SLC4A10: variants seen among roughly 807,000 people sequenced by gnomAD.
SLC4A10 encodes solute carrier family 4 member 10.
Under a neutral mutation model 137.7 loss-of-function variants are expected in SLC4A10, and 42 were observed. The observed-to-expected ratio is 0.30, with a 90% confidence interval of 0.24 to 0.39. The LOEUF (loss-of-function observed/expected upper bound fraction) is 0.39. Among genes scored for constraint, SLC4A10 ranks in the 10% least tolerant of loss-of-function variants. The pLI is 1.00. For synonymous variants in SLC4A10, 474 were observed against 464.1 expected, an observed-to-expected ratio of 1.02 and a Z score of -0.27; for missense variants, 925 against 1,355.0, an observed-to-expected ratio of 0.68 and a Z score of 4.98.
chr2:161,793,930 T>C (rs946923984), intron 2 of SLC4A10, among the ~76,000 whole-genome samples: 1 of 152,146 alleles, frequency 6.6e-6, no homozygotes, highest in Non-Finnish European at 1.5e-5. Context: ...ATTGCCATGA[T>C]TGAATTAGAA....
At chr2:161,947,296 C>T (rs995527125) in intron 16 of SLC4A10, among the ~76,000 whole-genome samples, 24 of 152,054 alleles carry the variant, frequency 1.6e-4, no homozygotes, top group African/African-American at 5.8e-4. Flanking sequence ...AGATTTAATA[C>T]ATACTAATTA....
chr2:161,790,896 G>T (rs1382407538), intron 2 of SLC4A10, among the ~76,000 whole-genome samples: 1 of 152,116 alleles, frequency 6.6e-6, no homozygotes, highest in East Asian at 1.9e-4. Flanking sequence ...TTAGAGAAAT[G>T]CAAATCAAAA....
At chr2:161,754,076 G>T (rs1449543873) in intron 1 of SLC4A10, among the ~76,000 whole-genome samples, 1 of 151,746 alleles carries the variant, frequency 6.6e-6, no homozygotes, top group Non-Finnish European at 1.5e-5. Flanking sequence ...ATTTTTAGTA[G>T]AGTGTGAGTT....
At chr2:161,892,025 G>A (rs2062978999) in intron 10 of SLC4A10, among the ~76,000 whole-genome samples, 1 of 152,062 alleles carries the variant, frequency 6.6e-6, no homozygotes, top group Non-Finnish European at 1.5e-5. Flanking sequence ...GAAGGTAGAA[G>A]AGGAATGTAA....
In SLC4A10 at chr2:161,831,286, A is replaced by G. The variant is rs186104746; in HGVS notation, c.278-8503A>G. Among the ~76,000 whole-genome samples, 4 of 152,304 alleles carry G rather than the reference A, an allele frequency of 2.6e-5. No individual in the cohort carries two copies. In the East Asian group the frequency reaches 7.7e-4, roughly 29 times the overall value. ...TGTAATCTAATTATTTCAATAACTT[A>G]TTAATTGGTTTATTTTCATATATGA... On this transcript the variant is annotated intron_variant, in intron 3 of 26. Coordinates refer to ENST00000446997, the MANE Select transcript of SLC4A10 (RefSeq NM_001178015.2).
intron 16 of SLC4A10, among the ~76,000 whole-genome samples, chr2:161,943,107 C>G (rs1254536427): frequency 6.6e-6 from 1 of 152,044 alleles, no homozygotes; most frequent in Non-Finnish European, 1.5e-5. Context: ...CAGAATTGCT[C>G]AAATAGCTCA....
At chr2:161,843,148 A>AT (rs1372645604) in intron 4 of SLC4A10, among the ~76,000 whole-genome samples, 2 of 152,164 alleles carry the variant, frequency 1.3e-5, no homozygotes, top group African/African-American at 4.8e-5. Context: ...GTGATTGGTG[A>AT]TTTTTCATCT....
intron 2 of SLC4A10, among the ~76,000 whole-genome samples, chr2:161,772,911 T>C (rs1039132918): frequency 1.3e-5 from 2 of 151,668 alleles, no homozygotes; most frequent in Non-Finnish European, 2.9e-5. Context: ...AGTCAGGAAA[T>C]AGTGAAAGAG....
chr2:161,632,037 T>C (rs2033654024), intron 1 of SLC4A10, among the ~76,000 whole-genome samples: 1 of 151,708 alleles, frequency 6.6e-6, no homozygotes, highest in Admixed American at 6.6e-5. Flanking sequence ...TTGAATGTGC[T>C]AGGTTGCTGG....
intron 1 of SLC4A10, among the ~76,000 whole-genome samples, chr2:161,671,818 T>C (rs2039761535): frequency 6.6e-6 from 1 of 152,184 alleles, no homozygotes; most frequent in Non-Finnish European, 1.5e-5. Context: ...AGGAGACAGA[T>C]AGATGAAAAT....
At chr2:161,921,443 C>G (rs1269977518) in intron 15 of SLC4A10, among the ~76,000 whole-genome samples, 1 of 152,122 alleles carries the variant, frequency 6.6e-6, no homozygotes, top group Non-Finnish European at 1.5e-5. Context: ...GGAAGCAGAG[C>G]AAGGAGCAAT....
At chr2:161,895,965 GT>G (rs1205663596) in intron 11 of SLC4A10, among the ~76,000 whole-genome samples, 2 of 150,848 alleles carry the variant, frequency 1.3e-5, no homozygotes, top group Non-Finnish European at 3.0e-5. Flanking sequence ...TGCTTTTGGT[GT>G]TTTAGACATG....
chr2:161,646,517 T>C (rs940712098), intron 1 of SLC4A10, among the ~76,000 whole-genome samples: 3 of 151,982 alleles, frequency 2.0e-5, no homozygotes, highest in African/African-American at 4.8e-5. Context: ...ATAGGCTAAC[T>C]TAATAATTTT....
intron 2 of SLC4A10, among the ~76,000 whole-genome samples, chr2:161,781,065 A>G (rs529117804): frequency 6.6e-6 from 1 of 152,174 alleles, no homozygotes; most frequent in South Asian, 2.1e-4. Flanking sequence ...GGGAAGTGAG[A>G]AGCAGGAACA....
chr2:161,821,985 C>A (rs1172787092), intron 3 of SLC4A10, among the ~76,000 whole-genome samples: 1 of 152,116 alleles, frequency 6.6e-6, no homozygotes. Flanking sequence ...TTATTATTTT[C>A]TTTACCATTG....
chr2:161,659,905 A>C (rs151066760), intron 1 of SLC4A10, among the ~76,000 whole-genome samples: 1 of 152,326 alleles, frequency 6.6e-6, no homozygotes, highest in African/African-American at 2.4e-5. Flanking sequence ...CAGTCACAAA[A>C]GACCAAATAT....
At chr2:161,933,843 C>T (rs764426291) in intron 15 of SLC4A10, among the ~76,000 whole-genome samples, 1 of 152,022 alleles carries the variant, frequency 6.6e-6, no homozygotes, top group African/African-American at 2.4e-5. Flanking sequence ...GGTACATATC[C>T]AGTAGTGGAA....
At chr2:161,943,467 C>G (rs1575767637) in intron 16 of SLC4A10, among the ~76,000 whole-genome samples, 1 of 152,002 alleles carries the variant, frequency 6.6e-6, no homozygotes, top group South Asian at 2.1e-4. Flanking sequence ...CAGTTCAATC[C>G]TGTGCCATTG....
intron 3 of SLC4A10, among the ~76,000 whole-genome samples, chr2:161,805,736 G>A (rs934975763): frequency 1.3e-5 from 2 of 152,218 alleles, no homozygotes; most frequent in Admixed American, 6.5e-5. Context: ...TGGCTTTGCA[G>A]GATATAGCCC....
Sources: gnomAD v4.1 joint callset for allele counts (sites outside exome capture counted in the v4.1 genomes callset) on GRCh38, gnomAD v4.1.1 for gene constraint, MANE v1.5 for transcripts, NCBI Gene and HGNC (gene_info 2026-07-23, HGNC 2026-07-21) for gene names.